Variants in SLCO3A1 observed in about 807,000 individuals in gnomAD.
SLCO3A1 encodes PGE1 transporter.
In SLCO3A1, 27 loss-of-function variants were observed where a neutral mutation model predicts 63.1. The ratio of observed to expected loss-of-function variants is 0.43; its 90% CI spans 0.32 to 0.59. SLCO3A1 has a LOEUF of 0.59. SLCO3A1 is among the 20% of genes least tolerant of loss of function. The pLI is 0.09. For missense variants in SLCO3A1, 773 were observed against 945.8 expected (o/e 0.82, Z 2.40); for synonymous variants, 473 against 409.9 (o/e 1.15, Z -1.86).
chr15:92,037,512 A>G (rs74030420), intron 2 of SLCO3A1, among the ~76,000 whole-genome samples: 398 of 152,292 alleles, frequency 2.6e-3, no homozygotes, highest in African/African-American at 9.2e-3. Context: ...AGAATGCTAA[A>G]CCTAGAACTT....
At chr15:91,888,292 C>T (rs1897777121) in intron 1 of SLCO3A1, among the ~76,000 whole-genome samples, 1 of 152,160 alleles carries the variant, frequency 6.6e-6, no homozygotes, top group Non-Finnish European at 1.5e-5. Context: ...CAGAGACTGG[C>T]CCGTCGAATC....
intron 1 of SLCO3A1, among the ~76,000 whole-genome samples, chr15:91,864,516 T>C (rs8025038): frequency 0.28 from 40,791 of 147,578 alleles, 6,231 homozygotes; most frequent in African/African-American, 0.4. Flanking sequence ...TTTGTCTAAA[T>C]AGGCTTAATG....
At chr15:91,970,842 C>T (rs187322601) in intron 2 of SLCO3A1, among the ~76,000 whole-genome samples, 70 of 152,106 alleles carry the variant, frequency 4.6e-4, no homozygotes, top group Non-Finnish European at 7.2e-4. Context: ...GGGCGTCTGC[C>T]GTCCTCATGC....
At chr15:91,992,408 G>T (rs1480048991) in intron 2 of SLCO3A1, among the ~76,000 whole-genome samples, 2 of 152,206 alleles carry the variant, frequency 1.3e-5, no homozygotes, top group Non-Finnish European at 2.9e-5. Flanking sequence ...CCTCGTGAAG[G>T]TTATGACCGC....
intron 2 of SLCO3A1, among the ~76,000 whole-genome samples, chr15:91,994,466 C>T (rs543424941): frequency 1.3e-5 from 2 of 152,286 alleles, no homozygotes; most frequent in South Asian, 4.1e-4. Context: ...GCAGAATCTG[C>T]TTTTTTTAAA....
chr15:92,147,225 G>A, intron 8 of SLCO3A1, 66 bp downstream of exon 8: 5 of 1,480,058 alleles, frequency 3.4e-6, no homozygotes, highest in Non-Finnish European at 4.6e-6. Context: ...GGCCTCCTAG[G>A]GACCAGAGCT....
At position 92,004,182 on chromosome 15, in the gene SLCO3A1, G is replaced by A. The variant is rs1479259815; in HGVS notation, c.646+87724G>A. Among the ~76,000 whole-genome samples the A allele has an allele frequency of 1.3e-5, 2 of 152,176 alleles. 1 individual carries two copies. The highest frequency in any genetic ancestry group is 3.9e-4 in the East Asian group (2 of 5,192). ...TGCTAAATCACAGGAAAGGTGGAGAGCCATGCTGGACTAGCTGGGAGTCTG... is the reference window on the plus strand; with the variant it reads ...TGCTAAATCACAGGAAAGGTGGAGAACCATGCTGGACTAGCTGGGAGTCTG... On this transcript the variant is annotated intron_variant, in intron 2 of 9. Coordinates refer to ENST00000318445, the MANE Select transcript of SLCO3A1 (RefSeq NM_013272.4).
In SLCO3A1 at chr15:92,163,159, G is replaced by A. The variant is rs2048461782; in HGVS notation, c.*24G>A. ...AGTGACTAAAGGAGGGCTGAACTCT[G>A]TATTAGTAATCCAAGGGTCATTTTT... On this transcript the variant is annotated 3_prime_UTR_variant, in exon 10 of 10. Transcript: ENST00000318445. 2.1e-6 allele frequency: 3 copies of A among 1,459,926 alleles called. No individual in the cohort carries two copies. The highest frequency in any genetic ancestry group is 2.7e-6 in the Non-Finnish European group (3 of 1,108,360). The allele number at this position is 1,459,926 out of a possible 1,614,324, so 90.4% of individuals were successfully genotyped here.
At chr15:92,167,303 A>T (rs1433242787), downstream of SLCO3A1, among the ~76,000 whole-genome samples, 2 of 151,620 alleles carry the variant, frequency 1.3e-5, no homozygotes, top group Non-Finnish European at 2.9e-5. Context: ...CCTCTGATTG[A>T]CCTCCTCTCA....
chr15:92,080,938 C>CTGTGTGTATGTGTG (rs779165504), intron 2 of SLCO3A1, among the ~76,000 whole-genome samples: 34 of 128,982 alleles, frequency 2.6e-4, no homozygotes, highest in African/African-American at 8.0e-4. Context: ...TACATAGTAG[C>CTGTGTGTATGTGTG]TGTGTGTGTG....
intron 2 of SLCO3A1, among the ~76,000 whole-genome samples, chr15:92,066,743 C>G (rs943983623): frequency 2.0e-5 from 3 of 152,218 alleles, no homozygotes; most frequent in African/African-American, 7.2e-5. Flanking sequence ...GGCCCATTGC[C>G]TGCCGGGTGC....
chr15:92,006,097 T>C (rs967077017), intron 2 of SLCO3A1, among the ~76,000 whole-genome samples: 1 of 152,156 alleles, frequency 6.6e-6, no homozygotes, highest in African/African-American at 2.4e-5. Flanking sequence ...TTAGGTAATT[T>C]GCTAATCTGT....
At chr15:92,097,133 G>T (rs2047548623) in intron 3 of SLCO3A1, among the ~76,000 whole-genome samples, 1 of 152,206 alleles carries the variant, frequency 6.6e-6, no homozygotes, top group Non-Finnish European at 1.5e-5. Flanking sequence ...AGTGCTATCA[G>T]TGGTGGCCTT....
intron 1 of SLCO3A1, among the ~76,000 whole-genome samples, chr15:91,867,462 T>C (rs183844992): frequency 5.3e-4 from 80 of 152,168 alleles, no homozygotes; most frequent in Middle Eastern, 3.5e-3. Flanking sequence ...CAAATTAGAT[T>C]CTTGCAAGAT....
intron 1 of SLCO3A1, among the ~76,000 whole-genome samples, chr15:91,908,217 T>C (rs1898373560): frequency 6.9e-6 from 1 of 144,208 alleles, no homozygotes; most frequent in Admixed American, 6.9e-5. Flanking sequence ...CCCCCACAAC[T>C]TGCCCCCTAA....
chr15:92,062,520 T>C (rs2047099178), intron 2 of SLCO3A1, among the ~76,000 whole-genome samples: 1 of 152,174 alleles, frequency 6.6e-6, no homozygotes, highest in Admixed American at 6.5e-5. Flanking sequence ...GTCAAGTTTG[T>C]GTCCTAGAGA....
chr15:92,090,754 G>C (rs1419566027), intron 2 of SLCO3A1, among the ~76,000 whole-genome samples: 1 of 152,202 alleles, frequency 6.6e-6, no homozygotes, highest in Non-Finnish European at 1.5e-5. Flanking sequence ...GGGAACCCAG[G>C]TGGGTGCCAG....
Position 92,080,918 on chromosome 15 carries a change from T to G in SLCO3A1, c.647-13963T>G, listed in dbSNP as rs116116023. Among the ~76,000 whole-genome samples the G allele has an allele frequency of 5.0e-3, 760 of 151,250 alleles. 9 individuals are homozygous for G. Among genetic ancestry groups the G allele is most frequent in the African/African-American group, 0.018 (735 of 41,020 alleles). On this transcript the variant is annotated intron_variant, in intron 2 of 9. Transcript: ENST00000318445. ...GGCGGGGGAAGGTAGGTATTTTTCA[T>G]TTTTATGGATACATAGTAGCTGTGT...
rs923168276 is a variant in SLCO3A1, at chr15:92,110,957, G to A, written c.1009+6415G>A. ...CCTGTGTTGGAGAGGGTCTGCTTCT[G>A]GCACCCTGGCTGCTGAATGGTAGAG... On this transcript the variant is annotated intron_variant, in intron 4 of 9. Transcript: ENST00000318445. Among the ~76,000 whole-genome samples the A allele has an allele frequency of 2.0e-4, 30 of 152,318 alleles. No individual in the cohort carries two copies. The East Asian group carries it at 4.4e-3, about 23-fold the overall frequency.
Sources: allele counts gnomAD v4.1 joint callset (sites outside exome capture counted in the v4.1 genomes callset), GRCh38; gene constraint gnomAD v4.1.1; transcripts MANE v1.5; gene names NCBI Gene and HGNC (gene_info 2026-07-23, HGNC 2026-07-21).